The following NSUN4 variants were observed in gnomAD, a reference collection of about 807,000 sequenced individuals.
The protein encoded by NSUN4 is NOP2/Sun RNA methyltransferase 4.
In NSUN4, 31 loss-of-function variants were observed where a neutral mutation model predicts 43.8. The observed-to-expected ratio is 0.71, with a 90% CI of 0.53 to 0.96. The LOEUF is 0.96. Among genes scored for constraint, NSUN4 ranks in the 40% least tolerant of loss-of-function variants. NSUN4 has a pLI of 0.00. For missense variants in NSUN4, 439 were observed against 475.6 expected, an observed-to-expected ratio of 0.92 and a Z score of 0.72; for synonymous variants, 167 against 184.1, an observed-to-expected ratio of 0.91 and a Z score of 0.75.
intron 1 of NSUN4, chr1:46,342,867 C>A: frequency 2.5e-6 from 1 of 399,984 alleles, no homozygotes. Context: ...CGCTAAGGCC[C>A]ACACCTGTCC....
chr1:46,345,663 T>G (rs541303842), intron 2 of NSUN4, among the ~76,000 whole-genome samples: 1 of 152,284 alleles, frequency 6.6e-6, no homozygotes, highest in Admixed American at 6.5e-5. Flanking sequence ...AGGGCTGGTC[T>G]AGGGGCACAA....
intron 3 of NSUN4, among the ~76,000 whole-genome samples, chr1:46,349,787 A>G (rs1208000075): frequency 6.6e-6 from 1 of 152,238 alleles, no homozygotes; most frequent in Admixed American, 6.5e-5. Context: ...AAGAGAGCCC[A>G]GCCTGTGTGC....
In NSUN4 at chr1:46,361,776, A is replaced by G. The variant is rs1343280874; in HGVS notation, c.1085A>G (p.Glu362Gly). Residue 362 changes from glutamate to glycine, a missense_variant, in exon 6 of 6, where the codon GAG (glutamate) becomes GGG (glycine). Glu to Gly is a moderately conservative substitution (Grantham distance 98). Coordinates refer to ENST00000474844, the MANE Select transcript of NSUN4 (RefSeq NM_199044.4). ...FCFFSSCQVGELVIPNLMANF... is the reference protein window; with the variant it reads ...FCFFSSCQVGGLVIPNLMANF... ...TTCTTCTCATCCTGTCAGGTTGGGG[A>G]GCTGGTAATACCAAACCTCATGGCC... The G allele has an allele frequency of 1.2e-6, 2 of 1,614,178 alleles. No individual in the cohort carries two copies. Among genetic ancestry groups the G allele is most frequent in the Non-Finnish European group, 1.7e-6 (2 of 1,180,036 alleles).
At chr1:46,350,913 A>G (rs759582166) in intron 3 of NSUN4, among the ~76,000 whole-genome samples, 6 of 152,232 alleles carry the variant, frequency 3.9e-5, no homozygotes, top group Non-Finnish European at 8.8e-5. Context: ...TCCAGCCATC[A>G]CATCCATATT....
chr1:46,340,838 G>A lies in NSUN4; in HGVS notation c.12G>A (p.Leu4=). 1 of 1,611,568 alleles carries A rather than the reference G, an allele frequency of 6.2e-7. No homozygotes were observed. Among genetic ancestry groups the A allele is most frequent in the Non-Finnish European group, 8.5e-7 (1 of 1,179,022 alleles). The change falls in exon 1 of 6, where the codon CTG becomes CTA. Residue 4 remains leucine (L), a synonymous_variant. Transcript: ENST00000474844. ...TGGAGCACGCCGATATGGCTGCGCTGACACTGAGGGGTGTCCGGGAGCTGC... is the reference window on the plus strand; with the variant it reads ...TGGAGCACGCCGATATGGCTGCGCTAACACTGAGGGGTGTCCGGGAGCTGC... MAA[L]TLRGVRELLK...
chr1:46,346,140 G>A (rs1159290290), intron 2 of NSUN4, among the ~76,000 whole-genome samples: 2 of 126,582 alleles, frequency 1.6e-5, no homozygotes, highest in Non-Finnish European at 1.6e-5. Flanking sequence ...GACAGAGCGA[G>A]ACTCTGTCTC....
intron 3 of NSUN4, among the ~76,000 whole-genome samples, chr1:46,349,932 T>A (rs1175923628): frequency 6.6e-6 from 1 of 152,144 alleles, no homozygotes; most frequent in African/African-American, 2.4e-5. Context: ...TGAGAGTTGT[T>A]CTTCTAAGGC....
downstream of NSUN4, among the ~76,000 whole-genome samples, chr1:46,366,949 C>G (rs1319950727): frequency 6.6e-6 from 1 of 151,724 alleles, no homozygotes; most frequent in Non-Finnish European, 1.5e-5. Flanking sequence ...ATGGTTTTCA[C>G]CTTTTAGGAG....
intron 3 of NSUN4, among the ~76,000 whole-genome samples, chr1:46,347,368 G>A (rs542813370): frequency 4.6e-4 from 70 of 152,284 alleles, no homozygotes; most frequent in Admixed American, 1.2e-3. Context: ...AACCCGGGAA[G>A]TGGAGGTTAC....
intron 2 of NSUN4, among the ~76,000 whole-genome samples, chr1:46,346,435 C>A (rs1202045200): frequency 6.6e-6 from 1 of 151,616 alleles, no homozygotes; most frequent in African/African-American, 2.4e-5. Context: ...GCCTGTAATC[C>A]CAGCTACTTG....
rs372605271 is a variant in NSUN4, at chr1:46,341,069, C to T, written c.93+150C>T. ...CCTCCCTCTCTCGTCTTTTCCGTCA[C>T]CGCCTCTGTCCGCACTCTATGTCCC... On this transcript the variant is annotated intron_variant, in intron 1 of 5. Coordinates refer to ENST00000474844, the MANE Select transcript of NSUN4 (RefSeq NM_199044.4). The T allele has an allele frequency of 6.2e-6, 7 of 1,135,752 alleles. No homozygotes were observed. The African/African-American group carries it at 1.1e-4, about 18-fold the overall frequency. 70.4% of individuals were successfully genotyped at this position (1,135,752 alleles called of 1,614,324 possible). A position where few individuals can be genotyped will look rare whatever the true frequency, so the allele number is the denominator to read the frequency against.
At chr1:46,346,465 T>C (rs1163090899) in intron 2 of NSUN4, among the ~76,000 whole-genome samples, 1 of 146,434 alleles carries the variant, frequency 6.8e-6, no homozygotes, top group African/African-American at 2.6e-5. Flanking sequence ...GGCAGGAGAA[T>C]CACTTGAATC....
chr1:46,382,086 A>C, the NSUN4 span, among the ~76,000 whole-genome samples: 1 of 152,176 alleles, frequency 6.6e-6, no homozygotes, highest in South Asian at 2.1e-4. Context: ...TCATTTATGG[A>C]GGGCCTACTA....
intron 1 of NSUN4, chr1:46,341,520 C>G (rs1227172687): frequency 9.3e-7 from 1 of 1,079,002 alleles, no homozygotes; most frequent in African/African-American, 1.7e-5. Context: ...CTCTCATCCT[C>G]TGGACTCTCC....
the NSUN4 span, among the ~76,000 whole-genome samples, chr1:46,384,342 AAAG>A: frequency 2.3e-4 from 35 of 152,230 alleles, 1 homozygote; most frequent in African/African-American, 7.5e-4. Flanking sequence ...TGATTTTCCA[AAAG>A]AAGAAGCTTC....
chr1:46,360,259 T>A lies in NSUN4; in HGVS notation c.754-445T>A, dbSNP rs866705026. Among the ~76,000 whole-genome samples, 442 of 72,018 alleles carry A rather than the reference T, an allele frequency of 6.1e-3. 1 individual carries two copies. Among genetic ancestry groups the A allele is most frequent in the South Asian group, 9.9e-3 (15 of 1,516 alleles). 47.2% of individuals were successfully genotyped at this position (72,018 alleles called of 152,430 possible). ...AAAAAAAAAAAAAAAAATATATATATATATATATATATATATATGTAAATT... is the reference window on the plus strand; with the variant it reads ...AAAAAAAAAAAAAAAAATATATATAAATATATATATATATATATGTAAATT... On this transcript the variant is annotated intron_variant, in intron 4 of 5. Transcript: ENST00000474844.
downstream of NSUN4, among the ~76,000 whole-genome samples, chr1:46,369,281 T>C (rs966184205): frequency 1.3e-5 from 2 of 152,150 alleles, no homozygotes; most frequent in Non-Finnish European, 2.9e-5. Flanking sequence ...AGTAAGCTGG[T>C]ATTTATTTTT....
chr1:46,372,279 T>G, the NSUN4 span, among the ~76,000 whole-genome samples: 1 of 151,904 alleles, frequency 6.6e-6, no homozygotes, highest in African/African-American at 2.4e-5. Context: ...TTGCTGGGAC[T>G]ACAGGTGCCC....
chr1:46,351,789 C>G (rs917140322), intron 3 of NSUN4, among the ~76,000 whole-genome samples: 2 of 150,982 alleles, frequency 1.3e-5, no homozygotes, highest in Non-Finnish European at 3.0e-5. Flanking sequence ...CTCAGCCTCC[C>G]GAGTAGCTGG....
Sources: allele counts gnomAD v4.1 joint callset (sites outside exome capture counted in the v4.1 genomes callset), GRCh38; gene constraint gnomAD v4.1.1; transcripts MANE v1.5; gene names NCBI Gene and HGNC (gene_info 2026-07-23, HGNC 2026-07-21).